TRDMT1: variants seen among roughly 807,000 people sequenced by gnomAD.
The protein encoded by TRDMT1 is tRNA aspartic acid methyltransferase 1, also known as tRNA (cytosine(38)-C(5))-methyltransferase.
A neutral mutation model predicts 51.2 loss-of-function variants in TRDMT1; 49 were observed. The ratio of observed to expected loss-of-function variants is 0.96; its 90% CI spans 0.76 to 1.21. The LOEUF (loss-of-function observed/expected upper bound fraction) is 1.21, where lower values mean the gene tolerates loss of function less well. Among genes scored for constraint, TRDMT1 ranks in the 50% most tolerant of loss-of-function variants. The pLI, the probability that TRDMT1 is intolerant of heterozygous loss-of-function variation, is 0.00. For missense variants in TRDMT1, 534 were observed against 462.3 expected, an observed-to-expected ratio of 1.16 and a Z score of -1.42; for synonymous variants, 187 against 164.6, an observed-to-expected ratio of 1.14 and a Z score of -1.04.
chr10:17,145,556 G>T lies in TRDMT1; in HGVS notation c.*3484C>A. 1.0e-6 allele frequency: 1 copy of T among 985,456 alleles called. No individual in the cohort carries two copies. 61.0% of individuals were successfully genotyped at this position (985,456 alleles called of 1,614,324 possible). A position where few individuals can be genotyped will look rare whatever the true frequency, so the allele number is the denominator to read the frequency against. ...AGTCCAAAGCTATTAGTAAGTCAGT[G>T]TCATAACTGGTGGCCTAAAACAGTT... On this transcript the variant is annotated 3_prime_UTR_variant, in exon 11 of 11. Transcript: ENST00000377799.
At chr10:17,197,674 G>A (rs186059023) in intron 1 of TRDMT1, among the ~76,000 whole-genome samples, 2 of 152,258 alleles carry the variant, frequency 1.3e-5, no homozygotes, top group African/African-American at 4.8e-5. Flanking sequence ...ATTCCAAAAT[G>A]GGCAAAGGCC....
chr10:17,168,380 T>C (rs1007445423), intron 3 of TRDMT1, among the ~76,000 whole-genome samples: 1 of 152,212 alleles, frequency 6.6e-6, no homozygotes, highest in African/African-American at 2.4e-5. Context: ...TTCCGAACTA[T>C]GAAATGCAGC....
chr10:17,197,215 C>T (rs983120781), intron 1 of TRDMT1, among the ~76,000 whole-genome samples: 4 of 152,010 alleles, frequency 2.6e-5, no homozygotes, highest in Non-Finnish European at 5.9e-5. Flanking sequence ...GCTAAATAAA[C>T]CTTCATCATT....
At chr10:17,157,398 C>T in intron 8 of TRDMT1, 43 bp downstream of exon 8, 2 of 1,454,748 alleles carry the variant, frequency 1.4e-6, no homozygotes, top group Admixed American at 2.4e-5. Flanking sequence ...TTTAAAAAAC[C>T]TGGTTATTTT....
rs1259515714 is a variant in TRDMT1 at position 17,174,537 on chromosome 10, T to C, written c.174+14A>G. ...CCTTGCTACATACTTATTAAAACAATGACAATTACTCACTTCAATCGTCTT... is the reference window on the plus strand; with the variant it reads ...CCTTGCTACATACTTATTAAAACAACGACAATTACTCACTTCAATCGTCTT... On this transcript the variant is annotated intron_variant, in intron 2 of 10. Transcript: ENST00000377799. The C allele has an allele frequency of 6.5e-7, 1 of 1,541,546 alleles. No homozygotes were observed. Among genetic ancestry groups the C allele is most frequent in the Non-Finnish European group, 9.0e-7 (1 of 1,114,496 alleles).
At chr10:17,174,228 T>C (rs1842377084) in intron 2 of TRDMT1, among the ~76,000 whole-genome samples, 1 of 152,208 alleles carries the variant, frequency 6.6e-6, no homozygotes, top group Non-Finnish European at 1.5e-5. Context: ...GCTATATATA[T>C]TGCATAAGTA....
At position 17,148,829 on chromosome 10, in the gene TRDMT1, A is replaced by T. The variant is rs1838336844; in HGVS notation, c.*211T>A. 1 of 1,148,814 alleles carries T rather than the reference A, an allele frequency of 8.7e-7. No individual in the cohort carries two copies. The allele number at this position is 1,148,814 out of a possible 1,614,324, so 71.2% of individuals were successfully genotyped here. On this transcript the variant is annotated 3_prime_UTR_variant, in exon 11 of 11. Coordinates refer to ENST00000377799, the MANE Select transcript of TRDMT1 (RefSeq NM_004412.7). ...TTTCATATGAAAATATACTCTCCATAAAGCATAACAATAGTTCGTATTTTA... is the reference window on the plus strand; with the variant it reads ...TTTCATATGAAAATATACTCTCCATTAAGCATAACAATAGTTCGTATTTTA...
intron 2 of TRDMT1, among the ~76,000 whole-genome samples, chr10:17,171,111 A>ATGTG (rs66891484): frequency 0.39 from 55,746 of 142,418 alleles, 11,101 homozygotes; most frequent in South Asian, 0.52. Flanking sequence ...CTGGATTTAG[A>ATGTG]TGTGTGTGTG....
chr10:17,171,067 G>T (rs1841913520), intron 2 of TRDMT1, among the ~76,000 whole-genome samples: 1 of 151,606 alleles, frequency 6.6e-6, no homozygotes, highest in African/African-American at 2.4e-5. Context: ...ATTTTAATGA[G>T]AATACTTTTA....
chr10:17,176,663 AT>A (rs1842660016), intron 1 of TRDMT1, among the ~76,000 whole-genome samples: 1 of 152,196 alleles, frequency 6.6e-6, no homozygotes, highest in South Asian at 2.1e-4. Flanking sequence ...ACTGACACTA[AT>A]TCAACTTGCC....
At chr10:17,177,547 C>T (rs1162058175) in intron 1 of TRDMT1, among the ~76,000 whole-genome samples, 3 of 151,764 alleles carry the variant, frequency 2.0e-5, no homozygotes, top group Non-Finnish European at 2.9e-5. Flanking sequence ...AGATTGGCTC[C>T]GAAAGGAATA....
intron 1 of TRDMT1, among the ~76,000 whole-genome samples, chr10:17,190,707 G>A (rs756584692): frequency 6.6e-6 from 1 of 152,168 alleles, no homozygotes; most frequent in Non-Finnish European, 1.5e-5. Flanking sequence ...TATCACAGAA[G>A]GATGATATCT....
intron 10 of TRDMT1, chr10:17,151,099 A>G: frequency 2.5e-6 from 2 of 796,402 alleles, no homozygotes. Context: ...CACTGAAAGT[A>G]AAGCATCTGT....
Position 17,157,784 on chromosome 10 carries a change from C to A in TRDMT1, c.544G>T (p.Val182Leu). ...EPLPFQAPGQ[V>L]LMEFPKIESV... is the part of the protein sequence containing the mutation. ...TCAATTTTGGGGAACTCCATCAGTACCTGGCATTACATAAAAATACACAAA... is the reference window on the plus strand; with the variant it reads ...TCAATTTTGGGGAACTCCATCAGTAACTGGCATTACATAAAAATACACAAA... Residue 182 changes from valine (V) to leucine (L), a missense_variant and splice_region_variant, in exon 8 of 11, where the codon GTA (valine) becomes TTA (leucine). Physicochemically the swap from Val to Leu is conservative, Grantham distance 32. Transcript: ENST00000377799. 12 of 1,555,292 alleles carry A rather than the reference C, an allele frequency of 7.7e-6. No homozygotes were observed. In the South Asian group the frequency reaches 1.3e-4, roughly 17 times the overall value.
At chr10:17,179,754 T>TAA (rs10709345) in intron 1 of TRDMT1, among the ~76,000 whole-genome samples, 12 of 127,028 alleles carry the variant, frequency 9.4e-5, no homozygotes, top group African/African-American at 3.2e-4. Flanking sequence ...TCTCTACTAA[T>TAA]AAAAAAAAAA....
intron 1 of TRDMT1, among the ~76,000 whole-genome samples, chr10:17,191,253 C>A (rs939972282): frequency 1.3e-5 from 2 of 152,200 alleles, no homozygotes; most frequent in African/African-American, 4.8e-5. Context: ...TCTGAGTGGT[C>A]GGAGAAGCTC....
In TRDMT1 at chr10:17,148,517, C is replaced by T. The variant is rs1335926694; in HGVS notation, c.*523G>A. 2.0e-6 allele frequency: 2 copies of T among 985,026 alleles called. No homozygotes were observed. Among genetic ancestry groups the T allele is most frequent in the Non-Finnish European group, 2.4e-6 (2 of 829,816 alleles). 61.0% of individuals were successfully genotyped at this position (985,026 alleles called of 1,614,324 possible). On this transcript the variant is annotated 3_prime_UTR_variant, in exon 11 of 11. Coordinates refer to ENST00000377799, the MANE Select transcript of TRDMT1 (RefSeq NM_004412.7). ...TTTTCCTGACATATTCTTCAGTCTGCTGTATAAACTGAATGATGATAATTT... is the reference window on the plus strand; with the variant it reads ...TTTTCCTGACATATTCTTCAGTCTGTTGTATAAACTGAATGATGATAATTT...
chr10:17,145,431 C>G lies in TRDMT1; in HGVS notation c.*3609G>C, dbSNP rs994652738. 1.0e-6 allele frequency: 1 copy of G among 985,212 alleles called. No individual in the cohort carries two copies. The highest frequency in any genetic ancestry group is 6.2e-5 in the Admixed American group (1 of 16,254). 61.0% of individuals were successfully genotyped at this position (985,212 alleles called of 1,614,324 possible). A position where few individuals can be genotyped will look rare whatever the true frequency, so the allele number is the denominator to read the frequency against. On this transcript the variant is annotated 3_prime_UTR_variant, in exon 11 of 11. Transcript: ENST00000377799. ...TAGATGGAAGAGATTAACTAGTAGA[C>G]AGAGGTCCAAAGGCCATGTCTTTAA...
chr10:17,162,121 A>G (rs564892719), intron 4 of TRDMT1, 45 bp downstream of exon 4: 6 of 1,506,244 alleles, frequency 4.0e-6, no homozygotes, highest in East Asian at 2.3e-5. Flanking sequence ...CCAGACCTGG[A>G]GTTTCAAATG....
Sources: gnomAD v4.1 joint callset for allele counts (sites outside exome capture counted in the v4.1 genomes callset) on GRCh38, gnomAD v4.1.1 for gene constraint, MANE v1.5 for transcripts, NCBI Gene and HGNC (gene_info 2026-07-23, HGNC 2026-07-21) for gene names.